The following PPARGC1B variants were observed in gnomAD, a reference collection of about 807,000 sequenced individuals.
PPARGC1B encodes the protein PPARG coactivator 1 beta.
A neutral mutation model predicts 101.6 loss-of-function variants in PPARGC1B; 34 were observed. That is an observed-to-expected ratio of 0.33 (90% CI 0.25 to 0.45). The LOEUF (loss-of-function observed/expected upper bound fraction) is 0.45. Among genes scored for constraint, PPARGC1B ranks in the 20% least tolerant of loss-of-function variants. The pLI is 1.00. For missense variants in PPARGC1B, 1,234 were observed against 1,317.6 expected (o/e 0.94, Z 0.98); for synonymous variants, 548 against 539.3 (o/e 1.02, Z -0.22).
At chr5:149,733,812 A>G (rs1458651195) in intron 1 of PPARGC1B, among the ~76,000 whole-genome samples, 2 of 152,248 alleles carry the variant, frequency 1.3e-5, no homozygotes, top group Non-Finnish European at 2.9e-5. Flanking sequence ...CATCAGTCAT[A>G]GATGCACAAA....
At chr5:149,796,712 A>C (rs1757229454) in intron 1 of PPARGC1B, among the ~76,000 whole-genome samples, 1 of 152,114 alleles carries the variant, frequency 6.6e-6, no homozygotes, top group Non-Finnish European at 1.5e-5. Flanking sequence ...GATGGATGGC[A>C]TGTGAGGGCG....
chr5:149,800,158 T>C (rs1757383978), intron 1 of PPARGC1B, among the ~76,000 whole-genome samples: 1 of 152,212 alleles, frequency 6.6e-6, no homozygotes, highest in African/African-American at 2.4e-5. Flanking sequence ...ACTATTCTTG[T>C]GTGTCCTTCT....
intron 1 of PPARGC1B, among the ~76,000 whole-genome samples, chr5:149,734,877 G>C (rs1238072814): frequency 6.6e-6 from 1 of 152,170 alleles, no homozygotes; most frequent in East Asian, 1.9e-4. Context: ...GATCATGGGT[G>C]ACTTGTGGTT....
chr5:149,792,756 T>G (rs757204712), intron 1 of PPARGC1B, among the ~76,000 whole-genome samples: 1 of 152,164 alleles, frequency 6.6e-6, no homozygotes, highest in African/African-American at 2.4e-5. Context: ...CATTCATTCA[T>G]TCATTCATTC....
At chr5:149,735,017 G>A (rs1371617953) in intron 1 of PPARGC1B, among the ~76,000 whole-genome samples, 2 of 152,210 alleles carry the variant, frequency 1.3e-5, no homozygotes, top group East Asian at 1.9e-4. Context: ...CACACCCCTT[G>A]AAGCCAGGGC....
In PPARGC1B at chr5:149,833,718, T is replaced by G. The variant is rs1302279961; in HGVS notation, c.1645T>G (p.Cys549Gly). The G allele has an allele frequency of 6.2e-7, 1 of 1,600,216 alleles. No individual in the cohort carries two copies. The highest frequency in any genetic ancestry group is 1.1e-5 in the South Asian group (1 of 89,052). ...GPQIPALESP[C>G]ESGCGDMDED... ...CCAGATCCCTGCCCTGGAGAGCCCC[T>G]GTGAGAGTGGGTGTGGGGACATGGA... Residue 549 changes from cysteine to glycine, a missense_variant, in exon 5 of 12, where the codon TGT becomes GGT. Around this residue, in one of 3 missense-constraint regions of PPARGC1B, gnomAD observed 734 missense variants for 768.4 expected, o/e 0.96. Transcript: ENST00000309241. The surrounding 1 kb of genome is among the most constrained non-coding windows in gnomAD (Gnocchi z 4.1).
At chr5:149,819,902 A>G (rs1581092740) in intron 1 of PPARGC1B, among the ~76,000 whole-genome samples, 1 of 152,176 alleles carries the variant, frequency 6.6e-6, no homozygotes, top group Non-Finnish European at 1.5e-5. Flanking sequence ...TATATGTTCC[A>G]TCGTATATTA....
chr5:149,832,885 G>A lies in PPARGC1B; in HGVS notation c.812G>A (p.Gly271Asp). The part of the protein sequence containing the change: ...PASPRDSLAL[G>D]RADPGAPVSQ... ...TCTCCCCGGGACTCCCTAGCTCTGG[G>A]CAGGGCAGACCCCGGTGCCCCGGTT... Residue 271 changes from glycine (G) to aspartate (D), a missense_variant, in exon 5 of 12, where the codon GGC (glycine) becomes GAC (aspartate). By Grantham distance (94) the Gly-to-Asp change is moderately conservative. Transcript: ENST00000309241. This position sits in a 1 kb window ranked among gnomAD's most constrained non-coding sequence, Gnocchi z 4.9. 6.2e-7 allele frequency: 1 copy of A among 1,612,890 alleles called. No homozygotes were observed. The highest frequency in any genetic ancestry group is 2.2e-5 in the East Asian group (1 of 44,872).
intron 1 of PPARGC1B, among the ~76,000 whole-genome samples, chr5:149,750,451 AAAATATATATATATATAT>A (rs1183788898): frequency 6.7e-4 from 47 of 69,774 alleles, no homozygotes; most frequent in African/African-American, 2.2e-3. Context: ...TGTTTTAGTT[AAAATATATATATATATAT>A]ATATATATAT....
chr5:149,826,751 G>T lies in PPARGC1B; in HGVS notation c.331G>T (p.Ala111Ser). ...CATCCCTGAAGATGACGTGGGTCTG[G>T]CTGCCTTCCCAGCCCTGGATGGTGG... ...DDIPEDDVGLAAFPALDGGDA... is the reference protein window; with the variant it reads ...DDIPEDDVGLSAFPALDGGDA... The change falls in exon 3 of 12, where the codon GCT (alanine) becomes TCT (serine). Residue 111 changes from alanine to serine, a missense_variant. By Grantham distance (99) the Ala-to-Ser change is moderately conservative. Around this residue, in one of 3 missense-constraint regions of PPARGC1B, gnomAD observed 734 missense variants for 768.4 expected, o/e 0.96. Transcript: ENST00000309241. 4 of 1,614,112 alleles carry T rather than the reference G, an allele frequency of 2.5e-6. No individual in the cohort carries two copies. The highest frequency in any genetic ancestry group is 3.4e-6 in the Non-Finnish European group (4 of 1,180,002).
chr5:149,808,231 C>T (rs1454830771), intron 1 of PPARGC1B, among the ~76,000 whole-genome samples: 1 of 152,086 alleles, frequency 6.6e-6, no homozygotes, highest in Non-Finnish European at 1.5e-5. Flanking sequence ...ACCTTGATGA[C>T]TGAGTATTTT....
chr5:149,787,115 G>A (rs533673409), intron 1 of PPARGC1B, among the ~76,000 whole-genome samples: 7 of 152,322 alleles, frequency 4.6e-5, no homozygotes, highest in African/African-American at 9.6e-5. Flanking sequence ...TGGGAGAAAC[G>A]GCCTCAGGGT....
intron 1 of PPARGC1B, among the ~76,000 whole-genome samples, chr5:149,738,741 C>T (rs1754813318): frequency 6.6e-6 from 1 of 152,152 alleles, no homozygotes; most frequent in South Asian, 2.1e-4. Flanking sequence ...AGACTACAGG[C>T]ATGTGCTACC....
chr5:149,825,080 C>T (rs1210788786), intron 2 of PPARGC1B, among the ~76,000 whole-genome samples: 1 of 151,880 alleles, frequency 6.6e-6, no homozygotes, highest in African/African-American at 2.4e-5. Flanking sequence ...AATGTGCCTT[C>T]TGCCAGAACA....
intron 11 of PPARGC1B, 22 bp from the exon 12 acceptor site, chr5:149,847,436 G>C (rs760732544): frequency 6.3e-7 from 1 of 1,578,926 alleles, no homozygotes; most frequent in East Asian, 2.2e-5. Flanking sequence ...CCTCTTCCCT[G>C]CCTCTTCACC....
At chr5:149,770,351 C>G (rs1039142302) in intron 1 of PPARGC1B, among the ~76,000 whole-genome samples, 15 of 152,124 alleles carry the variant, frequency 9.9e-5, no homozygotes, top group Non-Finnish European at 2.1e-4. Context: ...TTCCTAGAAT[C>G]ATGTGTCTTT....
intron 1 of PPARGC1B, among the ~76,000 whole-genome samples, chr5:149,795,132 G>A (rs1757162416): frequency 6.6e-6 from 1 of 152,188 alleles, no homozygotes; most frequent in African/African-American, 2.4e-5. Flanking sequence ...TATAATTCTG[G>A]CACCTATGCC....
chr5:149,790,860 A>G (rs1192937000), intron 1 of PPARGC1B, among the ~76,000 whole-genome samples: 1 of 152,024 alleles, frequency 6.6e-6, no homozygotes, highest in Non-Finnish European at 1.5e-5. Context: ...GCTTGGTTAA[A>G]ATGTAGGTTC....
intron 1 of PPARGC1B, among the ~76,000 whole-genome samples, chr5:149,793,980 A>G (rs1757114605): frequency 2.0e-5 from 3 of 152,164 alleles, no homozygotes; most frequent in Admixed American, 2.0e-4. Context: ...GTTTTTGTAA[A>G]GTTTTATTGG....
Sources: allele counts gnomAD v4.1 joint callset (sites outside exome capture counted in the v4.1 genomes callset), GRCh38; gene constraint gnomAD v4.1.1; regional missense constraint gnomAD v4.1.1; non-coding constraint Gnocchi (gnomAD v3.1); transcripts MANE v1.5; gene names NCBI Gene and HGNC (gene_info 2026-07-23, HGNC 2026-07-21).